RPL7A: variants seen among roughly 807,000 people sequenced by gnomAD.
The protein encoded by RPL7A is ribosomal protein L7a.
For missense variants in RPL7A, 291 were observed against 338.2 expected, an observed-to-expected ratio of 0.86 and a Z score of 1.09; for synonymous variants, 158 against 128.2, an observed-to-expected ratio of 1.23 and a Z score of -1.57.
At chr9:133,348,820 A>G (rs1341713697) in intron 1 of RPL7A, 102 bp from the exon 2 acceptor site, 3 of 1,574,324 alleles carry the variant, frequency 1.9e-6, no homozygotes, top group East Asian at 4.5e-5. Context: ...TAGTTCAGGC[A>G]GGTGCTGTCA....
chr9:133,348,602 G>A, intron 1 of RPL7A: 2 of 604,224 alleles, frequency 3.3e-6, no homozygotes, highest in South Asian at 3.7e-5. Context: ...GCCCGCCCCT[G>A]TTGCTTCTAG....
In RPL7A at chr9:133,350,990, C is replaced by G; in HGVS notation, c.627-12C>G. On this transcript the variant is annotated splice_polypyrimidine_tract_variant and intron_variant, in intron 6 of 7. Coordinates refer to ENST00000323345, the MANE Select transcript of RPL7A (RefSeq NM_000972.3). Reference sequence around the variant, plus strand: ...CAAAAAACCCACTTTTGTTTCCCCTCCTGCCTTTTAGGGAAGACAAAGGCG... The same window carrying G: ...CAAAAAACCCACTTTTGTTTCCCCTGCTGCCTTTTAGGGAAGACAAAGGCG... 2 of 1,613,866 alleles carry G rather than the reference C, an allele frequency of 1.2e-6. No individual in the cohort carries two copies. The highest frequency in any genetic ancestry group is 1.7e-6 in the Non-Finnish European group (2 of 1,179,878).
chr9:133,350,380 G>T, intron 5 of RPL7A, 61 bp downstream of exon 5: 1 of 1,588,538 alleles, frequency 6.3e-7, no homozygotes, highest in Non-Finnish European at 8.6e-7. Context: ...AGAGAGAGTA[G>T]ACCTAATGCC....
At chr9:133,348,825 C>A in intron 1 of RPL7A, 97 bp from the exon 2 acceptor site, 1 of 1,588,130 alleles carries the variant, frequency 6.3e-7, no homozygotes, top group Non-Finnish European at 8.6e-7. Context: ...CAGGCAGGTG[C>A]TGTCAGCGTC....
intron 2 of RPL7A, 100 bp from the exon 3 acceptor site, chr9:133,349,451 C>T (rs2129986170): frequency 7.0e-7 from 1 of 1,421,320 alleles, no homozygotes; most frequent in East Asian, 2.3e-5. Context: ...ACATTTTAAA[C>T]CACCAAGATC....
chr9:133,350,071 A>T lies in RPL7A; in HGVS notation c.415+19A>T, dbSNP rs982983681. The T allele has an allele frequency of 6.2e-7, 1 of 1,613,828 alleles. No homozygotes were observed. The highest frequency in any genetic ancestry group is 1.7e-5 in the Admixed American group (1 of 60,002). Reference sequence around the variant, plus strand: ...CGAGCAGGTGAGTAGGCCCCACCTTAGGGTGAACACTGGGGGCGGGCTGTT... The same window carrying T: ...CGAGCAGGTGAGTAGGCCCCACCTTTGGGTGAACACTGGGGGCGGGCTGTT... On this transcript the variant is annotated intron_variant, in intron 4 of 7. Coordinates refer to ENST00000323345, the MANE Select transcript of RPL7A (RefSeq NM_000972.3).
Position 133,350,270 on chromosome 9 carries a change from A to G in RPL7A, c.446A>G (p.Asn149Ser). ...AACACCGTCACCACCTTGGTGGAGA[A>G]CAAGAAAGCTCAGCTGGTGGTGATT... is the stretch of plus-strand genomic sequence containing the variant. The part of the protein sequence containing the change: ...GVNTVTTLVE[N>S]KKAQLVVIAH... The change falls in exon 5 of 8, where the codon AAC becomes AGC. Residue 149 changes from asparagine to serine, a missense_variant. Physicochemically the swap from Asn to Ser is conservative, Grantham distance 46 (BLOSUM62 1). Transcript: ENST00000323345. 1.2e-6 allele frequency: 2 copies of G among 1,613,958 alleles called. No homozygotes were observed. The highest frequency in any genetic ancestry group is 2.2e-5 in the South Asian group (2 of 91,048).
chr9:133,350,789 T>C, intron 6 of RPL7A, 62 bp downstream of exon 6: 1 of 1,605,040 alleles, frequency 6.2e-7, no homozygotes. Flanking sequence ...CTCACAGTTG[T>C]TTCCTTTTGC....
rs2129992224 is a variant in RPL7A, at chr9:133,350,226, G to A, written c.416-14G>A. 6 of 1,613,874 alleles carry A rather than the reference G, an allele frequency of 3.7e-6. No homozygotes were observed. Among genetic ancestry groups the A allele is most frequent in the Non-Finnish European group, 4.2e-6 (5 of 1,179,942 alleles). On this transcript the variant is annotated splice_polypyrimidine_tract_variant and intron_variant, in intron 4 of 7. Coordinates refer to ENST00000323345, the MANE Select transcript of RPL7A (RefSeq NM_000972.3). Reference sequence around the variant, plus strand: ...AGGCCCTGTGAGTGCTCACAAAGTGGTTGTGTGTTCTAGGAGTTAACACCG... The same window carrying A: ...AGGCCCTGTGAGTGCTCACAAAGTGATTGTGTGTTCTAGGAGTTAACACCG...
Position 133,351,162 on chromosome 9 carries a change from C to T in RPL7A, c.696+91C>T, listed in dbSNP as rs2129998463. 6.6e-4 allele frequency: 1,013 copies of T among 1,539,240 alleles called. 15 individuals are homozygous for T. In the South Asian group the frequency reaches 0.01, roughly 16 times the overall value. ...TTAACCTATGAGAAGTTCTATCTGA[C>T]GATCAGCTTGGAACAGCCAAACAGA... On this transcript the variant is annotated intron_variant, in intron 7 of 7. Coordinates refer to ENST00000323345, the MANE Select transcript of RPL7A (RefSeq NM_000972.3).
intron 3 of RPL7A, 71 bp from the exon 4 acceptor site, chr9:133,349,841 T>C: frequency 6.3e-7 from 1 of 1,590,292 alleles, no homozygotes; most frequent in Non-Finnish European, 8.6e-7. Flanking sequence ...AGTCCAGCAT[T>C]TGTTATTAAG....
Position 133,350,573 on chromosome 9 carries a change from T to C in RPL7A, c.496-24T>C, listed in dbSNP as rs1338118803. 4.3e-6 allele frequency: 7 copies of C among 1,614,002 alleles called. No individual in the cohort carries two copies. The African/African-American group carries it at 9.3e-5, about 22-fold the overall frequency. ...TTTGCTGCTTTTGGTCAAAATACAG[T>C]CTTCAGCTAATGCTTTCTTCCAGCT... On this transcript the variant is annotated intron_variant, in intron 5 of 7. Coordinates refer to ENST00000323345, the MANE Select transcript of RPL7A (RefSeq NM_000972.3).
intron 6 of RPL7A, 80 bp from the exon 7 acceptor site, chr9:133,350,922 T>C: frequency 6.5e-7 from 1 of 1,538,102 alleles, no homozygotes; most frequent in Non-Finnish European, 9.0e-7. Flanking sequence ...AAAGACTGTC[T>C]TGAGCTAAAA....
At chr9:133,350,123 A>C in intron 4 of RPL7A, 71 bp downstream of exon 4, 1 of 1,613,766 alleles carries the variant, frequency 6.2e-7, no homozygotes, top group Non-Finnish European at 8.5e-7. Context: ...TCTTGGCCTG[A>C]AATTACTGTG....
At chr9:133,350,211 A>G in intron 4 of RPL7A, 29 bp from the exon 5 acceptor site, 1 of 1,613,178 alleles carries the variant, frequency 6.2e-7, no homozygotes, top group Non-Finnish European at 8.5e-7. Context: ...AGGCCCTGTG[A>G]GTGCTCACAA....
chr9:133,350,643 A>G lies in RPL7A; in HGVS notation c.542A>G (p.Tyr181Cys). 6.2e-7 allele frequency: 1 copy of G among 1,614,038 alleles called. No homozygotes were observed. The highest frequency in any genetic ancestry group is 8.5e-7 in the Non-Finnish European group (1 of 1,179,956). Residue 181 changes from tyrosine (Y) to cysteine (C), a missense_variant, in exon 6 of 8, where the codon TAC becomes TGC. Tyr to Cys is a radical substitution (Grantham distance 194, BLOSUM62 -2). Transcript: ENST00000323345. ...CTGTGTCGTAAAATGGGGGTCCCTT[A>G]CTGCATTATCAAGGGAAAGGCAAGA... Reference protein sequence around the residue: ...PALCRKMGVPYCIIKGKARLG... With the variant: ...PALCRKMGVPCCIIKGKARLG...
intron 2 of RPL7A, chr9:133,349,320 C>T: frequency 2.5e-6 from 2 of 806,912 alleles, no homozygotes; most frequent in East Asian, 4.9e-5. Flanking sequence ...GACTGCAATT[C>T]TGCTGTACTT....
chr9:133,350,650 T>C lies in RPL7A; in HGVS notation c.549T>C (p.Ile183=), dbSNP rs1253804950. The change falls in exon 6 of 8, where the codon ATT becomes ATC. Residue 183 remains isoleucine, a synonymous_variant. Coordinates refer to ENST00000323345, the MANE Select transcript of RPL7A (RefSeq NM_000972.3). The part of the protein sequence containing the change: ...LCRKMGVPYC[I]IKGKARLGRL... Reference sequence around the variant, plus strand: ...GTAAAATGGGGGTCCCTTACTGCATTATCAAGGGAAAGGCAAGACTGGGAC... The same window carrying C: ...GTAAAATGGGGGTCCCTTACTGCATCATCAAGGGAAAGGCAAGACTGGGAC... 4 of 1,613,960 alleles carry C rather than the reference T, an allele frequency of 2.5e-6. No homozygotes were observed. Among genetic ancestry groups the C allele is most frequent in the Non-Finnish European group, 3.4e-6 (4 of 1,179,984 alleles).
rs2129977466 is a variant in RPL7A at position 133,348,266 on chromosome 9, G to T, written c.3+20G>T. On this transcript the variant is annotated intron_variant, in intron 1 of 7. Coordinates refer to ENST00000323345, the MANE Select transcript of RPL7A (RefSeq NM_000972.3). Reference sequence around the variant, plus strand: ...AAGATGGTGAGTGAGCTGTAGTTCCGTGGCACTATAGCCAGGTTCCGGCTG... The same window carrying T: ...AAGATGGTGAGTGAGCTGTAGTTCCTTGGCACTATAGCCAGGTTCCGGCTG... 3.1e-6 allele frequency: 5 copies of T among 1,613,896 alleles called. No homozygotes were observed. The South Asian group carries it at 3.3e-5, about 11-fold the overall frequency.
Sources: gnomAD v4.1 joint callset for allele counts on GRCh38, gnomAD v4.1.1 for gene constraint, MANE v1.5 for transcripts, NCBI Gene and HGNC (gene_info 2026-07-23, HGNC 2026-07-21) for gene names.